CDK14: variants seen among roughly 807,000 people sequenced by gnomAD.
CDK14 encodes the protein cyclin-dependent kinase 14.
CDK14 carries 34 observed loss-of-function variants against 60.7 expected under a neutral mutation model. The ratio of observed to expected loss-of-function variants is 0.56; its 90% CI spans 0.43 to 0.75. CDK14 has a LOEUF of 0.75. CDK14 is among the 30% of genes least tolerant of loss of function. The pLI, the probability that CDK14 is intolerant of heterozygous loss-of-function variation, is 0.00. For synonymous variants in CDK14, 197 were observed against 203.7 expected, an observed-to-expected ratio of 0.97 and a Z score of 0.28; for missense variants, 482 against 564.1, an observed-to-expected ratio of 0.85 and a Z score of 1.47.
At chr7:90,687,489 G>A (rs1254384988) in intron 2 of CDK14, among the ~76,000 whole-genome samples, 2 of 152,038 alleles carry the variant, frequency 1.3e-5, no homozygotes, top group Non-Finnish European at 2.9e-5. Flanking sequence ...GAAAAGGAGG[G>A]CTTTTTGAAC....
intron 5 of CDK14, among the ~76,000 whole-genome samples, chr7:90,806,541 C>T (rs368845759): frequency 2.2e-4 from 34 of 152,260 alleles, no homozygotes; most frequent in East Asian, 7.7e-4. Context: ...CCAGCGTGAG[C>T]GATGTAGAAG....
chr7:90,814,939 T>C (rs1343371094), intron 5 of CDK14, among the ~76,000 whole-genome samples: 2 of 152,252 alleles, frequency 1.3e-5, no homozygotes, highest in African/African-American at 4.8e-5. Flanking sequence ...TGAGTCTTCC[T>C]CAGCTCTGCT....
chr7:90,927,712 A>C (rs978929087), intron 8 of CDK14, among the ~76,000 whole-genome samples: 2 of 152,034 alleles, frequency 1.3e-5, no homozygotes, highest in African/African-American at 2.4e-5. Flanking sequence ...CTTCTCGAGG[A>C]GTATCTTTGT....
chr7:90,602,347 T>C (rs1404188719), intron 1 of CDK14, among the ~76,000 whole-genome samples: 3 of 152,240 alleles, frequency 2.0e-5, no homozygotes, highest in Non-Finnish European at 4.4e-5. Context: ...TGTTAGACTT[T>C]GTATTTGAAA....
intron 4 of CDK14, among the ~76,000 whole-genome samples, chr7:90,778,864 C>CTTCCTTCG (rs1254807221): frequency 3.7e-5 from 4 of 106,962 alleles, no homozygotes; most frequent in Non-Finnish European, 5.6e-5. Flanking sequence ...TCCTTCCTTC[C>CTTCCTTCG]TTCCTTCCTT....
chr7:91,209,364 C>T lies in CDK14; in HGVS notation c.*2228C>T, dbSNP rs1802995584. 6.6e-6 allele frequency: 1 copy of T among 151,622 alleles called. No individual in the cohort carries two copies. Among genetic ancestry groups the T allele is most frequent in the Non-Finnish European group, 1.5e-5 (1 of 67,962 alleles). 9.4% of individuals were successfully genotyped at this position (151,622 alleles called of 1,614,324 possible). ...AGGAGGTTTTGAGTACCTATCCTTGCCACCCATACAGGAAATCCAAAGTTT... is the reference window on the plus strand; with the variant it reads ...AGGAGGTTTTGAGTACCTATCCTTGTCACCCATACAGGAAATCCAAAGTTT... On this transcript the variant is annotated 3_prime_UTR_variant, in exon 15 of 15. Coordinates refer to ENST00000380050, the MANE Select transcript of CDK14 (RefSeq NM_001287135.2).
rs983553866 is a variant in CDK14 at position 91,141,911 on chromosome 7, C to T, written c.*28+23703C>T. ...CGTGATCTCCGCTCACTGCAAGCTC[C>T]GCCTCCTGGGTTCACGCCATTCTTC... On this transcript the variant is annotated intron_variant, in intron 14 of 14. Coordinates refer to ENST00000380050, the MANE Select transcript of CDK14 (RefSeq NM_001287135.2). Among the ~76,000 whole-genome samples, 8 of 152,080 alleles carry T rather than the reference C, an allele frequency of 5.3e-5. No individual in the cohort carries two copies. The East Asian group carries it at 1.4e-3, about 26-fold the overall frequency.
chr7:90,928,198 C>T (rs146936334), intron 8 of CDK14, among the ~76,000 whole-genome samples: 130 of 152,220 alleles, frequency 8.5e-4, no homozygotes, highest in African/African-American at 2.1e-3. Flanking sequence ...TATTACCGAA[C>T]GTCTGAAGCC....
At chr7:91,163,508 T>C (rs1801234214) in intron 14 of CDK14, among the ~76,000 whole-genome samples, 1 of 152,220 alleles carries the variant, frequency 6.6e-6, no homozygotes, top group African/African-American at 2.4e-5. Context: ...ATTGTATAGA[T>C]GTATGGGGTA....
At chr7:90,948,281 A>G (rs1033918398) in intron 8 of CDK14, among the ~76,000 whole-genome samples, 2 of 152,228 alleles carry the variant, frequency 1.3e-5, no homozygotes, top group African/African-American at 4.8e-5. Flanking sequence ...GAAACTAGAA[A>G]ATGAGATGTA....
intron 2 of CDK14, among the ~76,000 whole-genome samples, chr7:90,668,556 TG>T (rs1368084181): frequency 6.6e-6 from 1 of 152,160 alleles, no homozygotes; most frequent in Admixed American, 6.5e-5. Context: ...GTATTTTTCG[TG>T]TCTAATCTAA....
chr7:90,957,214 A>C (rs1233360857), intron 9 of CDK14, among the ~76,000 whole-genome samples: 1 of 151,874 alleles, frequency 6.6e-6, no homozygotes, highest in African/African-American at 2.4e-5. Flanking sequence ...TGGTTGAACA[A>C]GTTTACAGTC....
In CDK14 at chr7:90,755,633, A is replaced by G. The variant is rs138427420; in HGVS notation, c.464+7858A>G. 4.8e-3 allele frequency among the ~76,000 whole-genome samples: 726 copies of G among 152,290 alleles called. 3 individuals are homozygous for G. The highest frequency in any genetic ancestry group is 0.016 in the African/African-American group (660 of 41,548). On this transcript the variant is annotated intron_variant, in intron 4 of 14. Coordinates refer to ENST00000380050, the MANE Select transcript of CDK14 (RefSeq NM_001287135.2). ...TAAAATGAAAGTTGAAATTACTTAA[A>G]AAGTATTTTTTTAAGAAAATTTGAA...
chr7:90,927,285 T>C (rs1469184228), intron 8 of CDK14, among the ~76,000 whole-genome samples: 1 of 152,124 alleles, frequency 6.6e-6, no homozygotes, highest in Non-Finnish European at 1.5e-5. Flanking sequence ...TCTAGGGGCC[T>C]GTAGCCACCA....
At chr7:90,626,776 C>CA (rs1015592335) in intron 2 of CDK14, among the ~76,000 whole-genome samples, 42 of 151,994 alleles carry the variant, frequency 2.8e-4, no homozygotes, top group African/African-American at 9.6e-4. Flanking sequence ...CTCATCTCTA[C>CA]AAAAAAATAA....
chr7:90,816,890 C>G (rs1228468462), intron 5 of CDK14, among the ~76,000 whole-genome samples: 1 of 152,130 alleles, frequency 6.6e-6, no homozygotes, highest in Non-Finnish European at 1.5e-5. Flanking sequence ...TACAAGAGAA[C>G]AAGTGAGTCC....
At chr7:91,156,786 G>A (rs988405387) in intron 14 of CDK14, among the ~76,000 whole-genome samples, 2 of 152,168 alleles carry the variant, frequency 1.3e-5, no homozygotes, top group African/African-American at 2.4e-5. Flanking sequence ...ACCATTTTAT[G>A]CTGAGCCTCT....
intron 9 of CDK14, among the ~76,000 whole-genome samples, chr7:90,970,978 G>T (rs921004424): frequency 6.6e-6 from 1 of 151,806 alleles, no homozygotes; most frequent in Non-Finnish European, 1.5e-5. Flanking sequence ...TGTGCACAAC[G>T]TGCAGGTTTG....
chr7:90,657,922 G>A (rs1025797980), intron 2 of CDK14, among the ~76,000 whole-genome samples: 8 of 152,236 alleles, frequency 5.3e-5, no homozygotes, highest in Non-Finnish European at 1.5e-5. Context: ...CATAGAGCTA[G>A]TCCACATCTT....
Sources: allele counts gnomAD v4.1 joint callset (sites outside exome capture counted in the v4.1 genomes callset), GRCh38; gene constraint gnomAD v4.1.1; transcripts MANE v1.5; gene names NCBI Gene and HGNC (gene_info 2026-07-23, HGNC 2026-07-21).